The following WIPI2 variants were observed in gnomAD, a reference collection of about 807,000 sequenced individuals.
The protein encoded by WIPI2 is WD repeat domain phosphoinositide-interacting protein 2.
In WIPI2, 28 loss-of-function variants were observed where a neutral mutation model predicts 52.3. That is an observed-to-expected ratio of 0.54 (90% CI 0.40 to 0.73). WIPI2 has a LOEUF of 0.73. Ranked by LOEUF, WIPI2 falls within the 30% of genes least tolerant of loss-of-function variation. The pLI, the probability that WIPI2 is intolerant of heterozygous loss-of-function variation, is 0.00. For synonymous variants in WIPI2, 268 were observed against 245.0 expected, an observed-to-expected ratio of 1.09 and a Z score of -0.88; for missense variants, 506 against 602.9, an observed-to-expected ratio of 0.84 and a Z score of 1.68.
intron 4 of WIPI2, 40 bp downstream of exon 4, chr7:5,214,744 TC>T (rs1782727253): frequency 6.2e-7 from 1 of 1,607,400 alleles, no homozygotes. Flanking sequence ...TGTCTGTTGC[TC>T]CCTCCAGCAC....
At chr7:5,190,758 C>A in intron 1 of WIPI2, 1 of 339,520 alleles carries the variant, frequency 2.9e-6, no homozygotes. Context: ...GCGGGGAGGC[C>A]CCCTGGCTTC....
At chr7:5,205,964 A>G (rs1782276176) in intron 3 of WIPI2, among the ~76,000 whole-genome samples, 1 of 151,164 alleles carries the variant, frequency 6.6e-6, no homozygotes, top group South Asian at 2.1e-4. Flanking sequence ...CTTAAAGCAA[A>G]TTAGCCATTT....
At chr7:5,222,553 T>C in intron 7 of WIPI2, 49 bp from the exon 8 acceptor site, 1 of 1,575,362 alleles carries the variant, frequency 6.3e-7, no homozygotes, top group Admixed American at 1.7e-5. Context: ...GATGGGAAAT[T>C]CCTGTTTTAA....
intron 7 of WIPI2, among the ~76,000 whole-genome samples, chr7:5,220,188 A>T (rs1294062680): frequency 6.6e-6 from 1 of 150,732 alleles, no homozygotes; most frequent in Non-Finnish European, 1.5e-5. Flanking sequence ...AGTTTACCAT[A>T]ATTTATGTAA....
chr7:5,192,754 C>G (rs1281102042), intron 1 of WIPI2, among the ~76,000 whole-genome samples: 1 of 152,146 alleles, frequency 6.6e-6, no homozygotes, highest in Non-Finnish European at 1.5e-5. Context: ...GAGAAGTTCC[C>G]GGAGAGAGCT....
chr7:5,190,282 A>G lies in WIPI2; in HGVS notation c.-138A>G. 1 of 422,782 alleles carries G rather than the reference A, an allele frequency of 2.4e-6. No homozygotes were observed. The allele number at this position is 422,782 out of a possible 1,614,324, so 26.2% of individuals were successfully genotyped here. A position where few individuals can be genotyped will look rare whatever the true frequency, so the allele number is the denominator to read the frequency against. ...CATAAACAAGAGCGGGGACGGGATG[A>G]GGCGGCGGTTGATCCCAGGGTGGCG... On this transcript the variant is annotated 5_prime_UTR_variant, in exon 1 of 13. Coordinates refer to ENST00000288828, the MANE Select transcript of WIPI2 (RefSeq NM_015610.4).
intron 3 of WIPI2, among the ~76,000 whole-genome samples, chr7:5,212,437 C>T (rs1782603921): frequency 6.6e-6 from 1 of 152,152 alleles, no homozygotes; most frequent in African/African-American, 2.4e-5. Flanking sequence ...GGGCCTTGTG[C>T]CCCTGGATTT....
At chr7:5,212,717 T>C (rs1175145036) in intron 3 of WIPI2, among the ~76,000 whole-genome samples, 1 of 152,210 alleles carries the variant, frequency 6.6e-6, no homozygotes, top group Non-Finnish European at 1.5e-5. Flanking sequence ...AGGACCTCAC[T>C]ATGTTGCCCA....
rs530005535 is a variant in WIPI2, at chr7:5,222,406, G to T, written c.670-196G>T. ...ATTAAGTCAACAATAGAACAGGGGA[G>T]TGTTTTTCTATGCTCGTGGCAAAAA... On this transcript the variant is annotated intron_variant, in intron 7 of 12. Coordinates refer to ENST00000288828, the MANE Select transcript of WIPI2 (RefSeq NM_015610.4). Among the ~76,000 whole-genome samples, 3 of 152,326 alleles carry T rather than the reference G, an allele frequency of 2.0e-5. No homozygotes were observed. In the East Asian group the frequency reaches 5.8e-4, roughly 29 times the overall value.
intron 3 of WIPI2, among the ~76,000 whole-genome samples, chr7:5,206,969 C>A (rs990409482): frequency 6.6e-6 from 1 of 152,010 alleles, no homozygotes; most frequent in Admixed American, 6.6e-5. Flanking sequence ...TGTAGGGACA[C>A]GATCTTGTTA....
chr7:5,201,533 C>T (rs1228306807), intron 3 of WIPI2, among the ~76,000 whole-genome samples: 1 of 152,174 alleles, frequency 6.6e-6, no homozygotes, highest in Non-Finnish European at 1.5e-5. Context: ...CACATGAGGC[C>T]AGGAGTTGAA....
In WIPI2 at chr7:5,227,073, T is replaced by A; in HGVS notation, c.849-107T>A. 3 of 1,448,912 alleles carry A rather than the reference T, an allele frequency of 2.1e-6. No individual in the cohort carries two copies. Among genetic ancestry groups the A allele is most frequent in the Non-Finnish European group, 2.8e-6 (3 of 1,068,172 alleles). 89.8% of individuals were successfully genotyped at this position (1,448,912 alleles called of 1,614,324 possible). On this transcript the variant is annotated intron_variant, in intron 9 of 12. Coordinates refer to ENST00000288828, the MANE Select transcript of WIPI2 (RefSeq NM_015610.4). This position sits in a 1 kb window ranked among gnomAD's most constrained non-coding sequence, Gnocchi z 8.1. ...CCCTGTTTAATTTTCCTGTGAAGAA[T>A]GGAGACTTTTGCTGTCGGCTCCAGA...
intron 6 of WIPI2, 73 bp downstream of exon 6, chr7:5,217,260 C>T: frequency 6.7e-7 from 1 of 1,489,568 alleles, no homozygotes; most frequent in Non-Finnish European, 9.3e-7. Context: ...TGTGGTGTCC[C>T]TGGCATCCTG....
intron 4 of WIPI2, 43 bp from the exon 5 acceptor site, chr7:5,216,520 T>C (rs1238474971): frequency 6.5e-7 from 1 of 1,543,376 alleles, no homozygotes; most frequent in African/African-American, 1.4e-5. Context: ...GGTATTGCAC[T>C]GGCCGTTGCT....
intron 8 of WIPI2, among the ~76,000 whole-genome samples, chr7:5,223,361 G>C (rs1442639564): frequency 3.3e-5 from 5 of 152,186 alleles, no homozygotes; most frequent in Non-Finnish European, 4.4e-5. Flanking sequence ...CTCCCTGAAG[G>C]TGGCTGTTGA....
At chr7:5,198,214 G>T (rs1325689412) in intron 2 of WIPI2, among the ~76,000 whole-genome samples, 8 of 152,182 alleles carry the variant, frequency 5.3e-5, no homozygotes, top group Admixed American at 5.2e-4. Context: ...CAGCACAGGG[G>T]TGGAGCCACG....
intron 3 of WIPI2, among the ~76,000 whole-genome samples, chr7:5,209,013 A>ATTTTTTTTTT (rs55697377): frequency 4.3e-5 from 4 of 92,880 alleles, no homozygotes; most frequent in East Asian, 3.1e-4. Context: ...ATATTCTGTG[A>ATTTTTTTTTT]TTTTTTTTTT....
intron 3 of WIPI2, among the ~76,000 whole-genome samples, chr7:5,209,175 T>A (rs1782439321): frequency 6.6e-6 from 1 of 152,212 alleles, no homozygotes; most frequent in South Asian, 2.1e-4. Context: ...ATTTTAATCT[T>A]GTATCCTATG....
At chr7:5,225,795 G>A in intron 8 of WIPI2, 28 bp from the exon 9 acceptor site, 2 of 1,573,826 alleles carry the variant, frequency 1.3e-6, no homozygotes, top group Non-Finnish European at 1.7e-6. Context: ...GGCTCCGGTG[G>A]CCCGCCCCAA....
Sources: allele counts gnomAD v4.1 joint callset (sites outside exome capture counted in the v4.1 genomes callset), GRCh38; gene constraint gnomAD v4.1.1; non-coding constraint Gnocchi (gnomAD v3.1); transcripts MANE v1.5; gene names NCBI Gene and HGNC (gene_info 2026-07-23, HGNC 2026-07-21).